RIMS1: variants seen among roughly 807,000 people sequenced by gnomAD.
RIMS1 encodes regulating synaptic membrane exocytosis protein 1.
A neutral mutation model predicts 214.1 loss-of-function variants in RIMS1; 83 were observed. The observed-to-expected ratio is 0.39, with a 90% CI of 0.32 to 0.47. The LOEUF (loss-of-function observed/expected upper bound fraction) is 0.47, where lower values mean the gene tolerates loss of function less well. RIMS1 is among the 20% of genes least tolerant of loss of function. The probability of loss-of-function intolerance (pLI) is 0.99; values close to 1 mark genes in which losing one functional copy is unlikely to be tolerated. For synonymous variants in RIMS1, 793 were observed against 786.8 expected, an observed-to-expected ratio of 1.01 and a Z score of -0.13; for missense variants, 2,050 against 2,161.8, an observed-to-expected ratio of 0.95 and a Z score of 1.03.
intron 1 of RIMS1, among the ~76,000 whole-genome samples, chr6:71,966,947 G>C (rs1381286032): frequency 6.6e-6 from 1 of 152,190 alleles, no homozygotes; most frequent in African/African-American, 2.4e-5. Flanking sequence ...TTAAGTAGTA[G>C]ATTTGTTTTA....
At chr6:72,340,269 G>A (rs1169533822) in intron 29 of RIMS1, among the ~76,000 whole-genome samples, 1 of 151,936 alleles carries the variant, frequency 6.6e-6, no homozygotes, top group East Asian at 1.9e-4. Context: ...CTTTTGCTGT[G>A]CAGAAGCTCT....
intron 1 of RIMS1, among the ~76,000 whole-genome samples, chr6:71,907,351 A>G (rs1432361915): frequency 6.6e-6 from 1 of 152,220 alleles, no homozygotes; most frequent in East Asian, 1.9e-4. Flanking sequence ...ACCTCCAACT[A>G]GGAAAACTCA....
At chr6:72,312,331 T>C (rs10455256) in intron 27 of RIMS1, among the ~76,000 whole-genome samples, 14,774 of 152,124 alleles carry the variant, frequency 0.097, 726 homozygotes, top group South Asian at 0.13. Flanking sequence ...AGTTATAGTA[T>C]CTTACCTTCC....
intron 1 of RIMS1, among the ~76,000 whole-genome samples, chr6:71,913,568 C>T (rs1332641951): frequency 6.6e-6 from 1 of 152,014 alleles, no homozygotes. Context: ...TACAGCTAAT[C>T]CTATTTAAAA....
At chr6:72,291,473 A>C (rs1006349336) in intron 25 of RIMS1, among the ~76,000 whole-genome samples, 1 of 152,246 alleles carries the variant, frequency 6.6e-6, no homozygotes, top group Non-Finnish European at 1.5e-5. Flanking sequence ...GTGGTAATTT[A>C]TAAAAGTCTG....
intron 2 of RIMS1, among the ~76,000 whole-genome samples, chr6:72,071,843 G>T (rs769394447): frequency 2.6e-5 from 4 of 152,118 alleles, no homozygotes; most frequent in Non-Finnish European, 5.9e-5. Flanking sequence ...CTAAAAAATC[G>T]TTCCAAATAG....
At chr6:71,904,570 G>A (rs768819098) in intron 1 of RIMS1, among the ~76,000 whole-genome samples, 2 of 152,160 alleles carry the variant, frequency 1.3e-5, no homozygotes, top group East Asian at 1.9e-4. Context: ...CCCCAGCCTC[G>A]CAATGGACAT....
intron 2 of RIMS1, among the ~76,000 whole-genome samples, chr6:72,000,849 C>CGG (rs1413946906): frequency 2.0e-5 from 3 of 152,164 alleles, no homozygotes; most frequent in Non-Finnish European, 4.4e-5. Flanking sequence ...CCCACATCCT[C>CGG]CTCAATAATC....
rs572558555 is a variant in RIMS1 at position 72,211,740 on chromosome 6, ATAT to A, written c.1679-22029_1679-22027del. ...GGAGGAATAAAAAGGAATTTCTAAG[ATAT>A]TATATGTGATCAATATTTCAACATT... is the stretch of plus-strand genomic sequence containing the variant. On this transcript the variant is annotated intron_variant, in intron 6 of 33. Coordinates refer to ENST00000521978, the MANE Select transcript of RIMS1 (RefSeq NM_014989.7). Among the ~76,000 whole-genome samples the A allele has an allele frequency of 3.2e-3, 484 of 152,238 alleles. 1 individual carries two copies. Among genetic ancestry groups the A allele is most frequent in the Middle Eastern group, 0.014 (4 of 294 alleles).
rs546224731 is a variant in RIMS1 at position 72,402,721 on chromosome 6, A to G, written c.*2007A>G. The G allele has an allele frequency of 1.3e-5, 2 of 152,578 alleles. No homozygotes were observed. Among genetic ancestry groups the G allele is most frequent in the South Asian group, 4.1e-4 (2 of 4,826 alleles). The allele number at this position is 152,578 out of a possible 1,614,324, so 9.5% of individuals were successfully genotyped here. On this transcript the variant is annotated 3_prime_UTR_variant, in exon 34 of 34. Transcript: ENST00000521978. ...TGGGTAGTATCTTTCTATTTTGACC[A>G]CTTGTCTTAACACTCCCCTGTGCTT...
At chr6:72,164,523 A>G (rs1011693113) in intron 4 of RIMS1, among the ~76,000 whole-genome samples, 6 of 152,168 alleles carry the variant, frequency 3.9e-5, no homozygotes, top group Non-Finnish European at 7.4e-5. Context: ...CTATTTAGCC[A>G]TCTTGGCTCC....
intron 2 of RIMS1, among the ~76,000 whole-genome samples, chr6:72,022,479 TA>T (rs1362082823): frequency 6.6e-6 from 1 of 152,240 alleles, no homozygotes; most frequent in Non-Finnish European, 1.5e-5. Flanking sequence ...GGTACATTTA[TA>T]TTACATATTT....
intron 5 of RIMS1, 140 bp downstream of exon 5, chr6:72,180,055 AG>A (rs2048208085): frequency 1.9e-6 from 1 of 530,474 alleles, no homozygotes; most frequent in Non-Finnish European, 3.2e-6. Flanking sequence ...AAAAGGCCTG[AG>A]GGGCGTTGTC....
At position 72,177,850 on chromosome 6, in the gene RIMS1, T is replaced by C. The variant is rs1426019535; in HGVS notation, c.472-1725T>C. On this transcript the variant is annotated intron_variant, in intron 4 of 33. Coordinates refer to ENST00000521978, the MANE Select transcript of RIMS1 (RefSeq NM_014989.7). ...CCCTGGAGTACTGCACCTTTTAATGTTACCCTTAATATGTCCATGTTCAAA... is the reference window on the plus strand; with the variant it reads ...CCCTGGAGTACTGCACCTTTTAATGCTACCCTTAATATGTCCATGTTCAAA... 2.6e-5 allele frequency among the ~76,000 whole-genome samples: 4 copies of C among 152,202 alleles called. No homozygotes were observed. The East Asian group carries it at 7.7e-4, about 29-fold the overall frequency.
chr6:72,355,322 T>A (rs2097586603), intron 29 of RIMS1, among the ~76,000 whole-genome samples: 1 of 152,200 alleles, frequency 6.6e-6, no homozygotes. Flanking sequence ...TAAAAAATAG[T>A]TTATTTAGAG....
chr6:72,295,218 A>G (rs560305730), intron 26 of RIMS1, among the ~76,000 whole-genome samples: 1 of 151,892 alleles, frequency 6.6e-6, no homozygotes, highest in East Asian at 1.9e-4. Context: ...AAATACAGAA[A>G]CAGGCCATTA....
At position 72,188,271 on chromosome 6, in the gene RIMS1, G is replaced by C. The variant is rs865968217; in HGVS notation, c.1678+5122G>C. On this transcript the variant is annotated intron_variant, in intron 6 of 33. Transcript: ENST00000521978. ...TATTAACCATCACAAGTCCACCCTT[G>C]TCAACTTGAACCCATACACATCTGA... is the stretch of plus-strand genomic sequence containing the variant. 7.9e-5 allele frequency among the ~76,000 whole-genome samples: 12 copies of C among 152,142 alleles called. 1 individual carries two copies. The highest frequency in any genetic ancestry group is 1.3e-4 in the Admixed American group (2 of 15,282).
intron 24 of RIMS1, among the ~76,000 whole-genome samples, chr6:72,284,333 ATAAT>A (rs1333830203): frequency 7.9e-5 from 12 of 152,340 alleles, no homozygotes; most frequent in African/African-American, 2.9e-4. Flanking sequence ...GGTTTAAAAA[ATAAT>A]TATGTATTTC....
chr6:71,955,173 T>C (rs1015807744), intron 1 of RIMS1, among the ~76,000 whole-genome samples: 1 of 149,196 alleles, frequency 6.7e-6, no homozygotes, highest in African/African-American at 2.5e-5. Flanking sequence ...TCTATGGACA[T>C]TTTTTTTTTG....
Sources: allele counts gnomAD v4.1 joint callset (sites outside exome capture counted in the v4.1 genomes callset), GRCh38; gene constraint gnomAD v4.1.1; transcripts MANE v1.5; gene names NCBI Gene and HGNC (gene_info 2026-07-23, HGNC 2026-07-21).